KCNIP3: variants seen among roughly 807,000 people sequenced by gnomAD.
KCNIP3 encodes calsenilin.
KCNIP3 carries 28 observed loss-of-function variants against 35.0 expected under a neutral mutation model. The ratio of observed to expected loss-of-function variants is 0.80; its 90% CI spans 0.59 to 1.10. KCNIP3 has a LOEUF of 1.10. Ranked by LOEUF, KCNIP3 falls within the 50% of genes least tolerant of loss-of-function variation. The pLI is 0.00. For missense variants in KCNIP3, 295 were observed against 338.4 expected (o/e 0.87, Z 1.01); for synonymous variants, 134 against 133.8 (o/e 1.00, Z -0.01).
chr2:95,326,405 C>T (rs1291057375), intron 2 of KCNIP3, among the ~76,000 whole-genome samples: 4 of 152,218 alleles, frequency 2.6e-5, no homozygotes, highest in Non-Finnish European at 4.4e-5. Flanking sequence ...TGCACACACA[C>T]GTTCACACAC....
rs1022736096 is a variant in KCNIP3, at chr2:95,345,944, G to C, written c.182-28352G>C. 5.3e-4 allele frequency among the ~76,000 whole-genome samples: 81 copies of C among 152,180 alleles called. 1 individual carries two copies. Among genetic ancestry groups the C allele is most frequent in the Non-Finnish European group, 1.1e-3 (78 of 68,024 alleles). On this transcript the variant is annotated intron_variant, in intron 2 of 8. Transcript: ENST00000295225. The stretch of plus-strand genomic sequence containing the variant: ...GCTCTTCCCCGCCGCCCGAAGGCGG[G>C]CGTCTCCCCCTCTCTGCGGAGCAGG...
chr2:95,342,684 G>A (rs1457244103), intron 2 of KCNIP3, among the ~76,000 whole-genome samples: 1 of 152,186 alleles, frequency 6.6e-6, no homozygotes, highest in African/African-American at 2.4e-5. Flanking sequence ...TTCCCACATG[G>A]TGGCAGCCTG....
intron 5 of KCNIP3, among the ~76,000 whole-genome samples, chr2:95,375,970 A>G (rs1680175068): frequency 1.3e-5 from 2 of 152,384 alleles, no homozygotes; most frequent in African/African-American, 4.8e-5. Flanking sequence ...ACATGGGGCC[A>G]GAAGGCCCCG....
At chr2:95,307,774 CAGTGAAG>C (rs1047801045) in intron 1 of KCNIP3, among the ~76,000 whole-genome samples, 1 of 152,236 alleles carries the variant, frequency 6.6e-6, no homozygotes, top group Admixed American at 6.5e-5. Context: ...CTGGGGGTCC[CAGTGAAG>C]AGCTCCTGCC....
intron 2 of KCNIP3, among the ~76,000 whole-genome samples, chr2:95,318,863 A>G (rs1573486597): frequency 6.6e-6 from 1 of 152,212 alleles, no homozygotes; most frequent in African/African-American, 2.4e-5. Context: ...TCCCTAAAAC[A>G]AAGATGAGCT....
chr2:95,364,224 G>A (rs1332336663), intron 2 of KCNIP3, among the ~76,000 whole-genome samples: 1 of 151,780 alleles, frequency 6.6e-6, no homozygotes, highest in Non-Finnish European at 1.5e-5. Context: ...GTTTTTTTTG[G>A]TCATCGTTTA....
At chr2:95,355,112 C>T (rs1223114591) in intron 2 of KCNIP3, 3 of 152,234 alleles carry the variant, frequency 2.0e-5, no homozygotes, top group Admixed American at 2.0e-4. Context: ...ACCGGCACAC[C>T]TGCCCTGAAT....
chr2:95,338,885 T>G (rs1223610127), intron 2 of KCNIP3, among the ~76,000 whole-genome samples: 1 of 152,138 alleles, frequency 6.6e-6, no homozygotes, highest in African/African-American at 2.4e-5. Context: ...TTCTTGAGTT[T>G]GAGGAACTTT....
At chr2:95,313,939 ACACACACACATACACACACAAG>A (rs1302067526) in intron 2 of KCNIP3, 3 of 152,062 alleles carry the variant, frequency 2.0e-5, no homozygotes, top group Non-Finnish European at 4.4e-5. Context: ...ACACATACAC[ACACACACACATACACACACAAG>A]CACACACACA....
chr2:95,377,907 G>T lies in KCNIP3; in HGVS notation c.447+2699G>T, dbSNP rs1680244070. Among the ~76,000 whole-genome samples the T allele has an allele frequency of 6.6e-6, 1 of 152,198 alleles. No individual in the cohort carries two copies. The highest frequency in any genetic ancestry group is 2.4e-5 in the African/African-American group (1 of 41,438). ...AGCAGACAGACAGACCACCTGAGGG[G>T]CCCATGTCAGCTGAAGATAAGGTGG... is the stretch of plus-strand genomic sequence containing the variant. On this transcript the variant is annotated intron_variant, in intron 5 of 8. Coordinates refer to ENST00000295225, the MANE Select transcript of KCNIP3 (RefSeq NM_013434.5). This position sits in a 1 kb window ranked among gnomAD's most constrained non-coding sequence, Gnocchi z 4.7.
At position 95,374,406 on chromosome 2, in the gene KCNIP3, A is replaced by G. The variant is rs1573519749; in HGVS notation, c.292A>G (p.Arg98Gly). 6.2e-7 allele frequency: 1 copy of G among 1,614,076 alleles called. No homozygotes were observed. The highest frequency in any genetic ancestry group is 8.5e-7 in the Non-Finnish European group (1 of 1,179,954). Reference sequence around the variant, plus strand: ...CAAGAAGGAGCTGCAGTCTCTCTACAGGGGCTTTAAGAATGTGAGTGTTCC... The same window carrying G: ...CAAGAAGGAGCTGCAGTCTCTCTACGGGGGCTTTAAGAATGTGAGTGTTCC... ...FTKKELQSLY[R>G]GFKNECPTGL... The change falls in exon 3 of 9, where the codon AGG becomes GGG. Residue 98 changes from arginine (R) to glycine (G), a missense_variant. Arg to Gly is a moderately radical substitution (Grantham distance 125). Coordinates refer to ENST00000295225, the MANE Select transcript of KCNIP3 (RefSeq NM_013434.5).
chr2:95,351,225 T>C, intron 2 of KCNIP3, among the ~76,000 whole-genome samples: 1 of 152,230 alleles, frequency 6.6e-6, no homozygotes, highest in Non-Finnish European at 1.5e-5. Context: ...GCTTTTACTG[T>C]AGGAGAAACC....
intron 2 of KCNIP3, chr2:95,312,806 G>C (rs929242055): frequency 2.6e-5 from 4 of 152,190 alleles, no homozygotes; most frequent in Non-Finnish European, 5.9e-5. Context: ...GGGAGCTGAG[G>C]GACGAGGGAG....
intron 2 of KCNIP3, among the ~76,000 whole-genome samples, chr2:95,344,668 G>A (rs1484862962): frequency 2.0e-5 from 3 of 152,232 alleles, no homozygotes; most frequent in Non-Finnish European, 4.4e-5. Flanking sequence ...TCCTTTGCAT[G>A]CTCAGTTCTC....
intron 2 of KCNIP3, chr2:95,312,855 G>A (rs769166444): frequency 6.6e-6 from 1 of 152,244 alleles, no homozygotes; most frequent in Non-Finnish European, 1.5e-5. Flanking sequence ...GGACTCCAAT[G>A]TGCCCTTTGT....
At chr2:95,364,218 T>C (rs1331670082) in intron 2 of KCNIP3, among the ~76,000 whole-genome samples, 1 of 152,234 alleles carries the variant, frequency 6.6e-6, no homozygotes, top group African/African-American at 2.4e-5. Context: ...CTGAGAGTTT[T>C]TTTTGGTCAT....
At chr2:95,367,146 G>A (rs1395198238) in intron 2 of KCNIP3, among the ~76,000 whole-genome samples, 1 of 152,096 alleles carries the variant, frequency 6.6e-6, no homozygotes, top group African/African-American at 2.4e-5. Context: ...GGTGGTGCGT[G>A]CCTGTAGTCC....
chr2:95,297,617 C>CTGGGGTGTCCTGGCTGGTGT (rs1677902784), intron 1 of KCNIP3, among the ~76,000 whole-genome samples, 164 bp downstream of exon 1: 4 of 151,532 alleles, frequency 2.6e-5, no homozygotes, highest in Non-Finnish European at 5.9e-5. Context: ...CTGGCTGGCG[C>CTGGGGTGTCCTGGCTGGTGT]TGGGGTGTCC....
Position 95,381,657 on chromosome 2 carries a change from C to T in KCNIP3, c.509C>T (p.Ala170Val). ...RGTVHEKLKW[A>V]FNLYDINKDG... Reference sequence around the variant, plus strand: ...ACAGTCCACGAGAAGCTCAAGTGGGCCTTTAATCTCTACGACATTAACAAG... The same window carrying T: ...ACAGTCCACGAGAAGCTCAAGTGGGTCTTTAATCTCTACGACATTAACAAG... The change falls in exon 6 of 9, where the codon GCC (alanine) becomes GTC (valine). Residue 170 changes from alanine (A) to valine (V), a missense_variant. Transcript: ENST00000295225. The T allele has an allele frequency of 6.2e-7, 1 of 1,614,102 alleles. No homozygotes were observed. Among genetic ancestry groups the T allele is most frequent in the Non-Finnish European group, 8.5e-7 (1 of 1,179,972 alleles).
Sources: gnomAD v4.1 joint callset for allele counts (sites outside exome capture counted in the v4.1 genomes callset) on GRCh38, gnomAD v4.1.1 for gene constraint, Gnocchi (gnomAD v3.1) non-coding constraint, MANE v1.5 for transcripts, NCBI Gene and HGNC (gene_info 2026-07-23, HGNC 2026-07-21) for gene names.